The following ZNF250 variants were observed in gnomAD, a reference collection of about 807,000 sequenced individuals.
ZNF250 encodes zinc finger protein (clone 647).
In ZNF250, 13 loss-of-function variants were observed where a neutral mutation model predicts 37.1. The ratio of observed to expected loss-of-function variants is 0.35; its 90% CI spans 0.23 to 0.56. The LOEUF is 0.56. Ranked by LOEUF, ZNF250 falls within the 20% of genes least tolerant of loss-of-function variation. The pLI, the probability that ZNF250 is intolerant of heterozygous loss-of-function variation, is 0.87. For synonymous variants in ZNF250, 251 were observed against 265.6 expected, an observed-to-expected ratio of 0.94 and a Z score of 0.54; for missense variants, 474 against 697.9, an observed-to-expected ratio of 0.68 and a Z score of 3.61.
In ZNF250 at chr8:144,890,242, A is replaced by G. The variant is rs770879224; in HGVS notation, c.42+66T>C. ...CGCTCTGGCTGCTCTTAGGAGCTCT[A>G]CGGGGCACGGAAGGAACCACAGGGC... On this transcript the variant is annotated intron_variant, in intron 2 of 5. Coordinates refer to ENST00000417550, the MANE Select transcript of ZNF250 (RefSeq NM_001109689.4). This position sits in a 1 kb window ranked among gnomAD's most constrained non-coding sequence, Gnocchi z 5.1. The G allele has an allele frequency of 2.1e-5, 32 of 1,522,120 alleles. No individual in the cohort carries two copies. In the Admixed American group the frequency reaches 5.3e-4, roughly 25 times the overall value. 94.3% of individuals were successfully genotyped at this position (1,522,120 alleles called of 1,614,324 possible). A position where few individuals can be genotyped will look rare whatever the true frequency, so the allele number is the denominator to read the frequency against.
chr8:144,900,505 G>A (rs1833028870), intron 1 of ZNF250, among the ~76,000 whole-genome samples: 2 of 152,184 alleles, frequency 1.3e-5, no homozygotes, highest in Non-Finnish European at 2.9e-5. Context: ...TGTCGGGGGG[G>A]ATGACTTTTA....
In ZNF250 at chr8:144,897,935, T is replaced by C. The variant is rs1342425534; in HGVS notation, c.-55+3464A>G. ...CCACCCTGGGCCGGCCAGGTGTTCC[T>C]TGCCCTCATTCCGGTAAACCCACAA... On this transcript the variant is annotated intron_variant, in intron 1 of 5. Transcript: ENST00000417550. This position sits in a 1 kb window ranked among gnomAD's most constrained non-coding sequence, Gnocchi z 5.2. Among the ~76,000 whole-genome samples, 1 of 152,256 alleles carries C rather than the reference T, an allele frequency of 6.6e-6. No homozygotes were observed. The highest frequency in any genetic ancestry group is 1.5e-5 in the Non-Finnish European group (1 of 68,044).
intron 4 of ZNF250, 71 bp from the exon 5 acceptor site, chr8:144,886,973 A>C (rs767364506): frequency 2.9e-5 from 40 of 1,394,668 alleles, no homozygotes; most frequent in Non-Finnish European, 4.1e-5. Flanking sequence ...CTGGCCGGGC[A>C]TGGTGGCTCA....
In ZNF250 at chr8:144,890,117, T is replaced by TG; in HGVS notation, c.43-59dup. On this transcript the variant is annotated intron_variant, in intron 2 of 5. Transcript: ENST00000417550. The surrounding 1 kb of genome is among the most constrained non-coding windows in gnomAD (Gnocchi z 5.1). Reference sequence around the variant, plus strand: ...AAATCCTGATGTCTGTGATGGGGAGTGGGTGCATGTGACATGTGACATGAG... The same window carrying TG: ...AAATCCTGATGTCTGTGATGGGGAGTGGGGTGCATGTGACATGTGACATGAG... 1.3e-6 allele frequency: 2 copies of TG among 1,585,262 alleles called. No homozygotes were observed. Among genetic ancestry groups the TG allele is most frequent in the South Asian group, 2.3e-5 (2 of 87,292 alleles).
chr8:144,885,916 C>A (rs936867980), intron 5 of ZNF250, among the ~76,000 whole-genome samples: 5 of 149,274 alleles, frequency 3.3e-5, no homozygotes, highest in African/African-American at 4.9e-5. Flanking sequence ...GACCAGCTTG[C>A]GCAACATGGT....
At chr8:144,888,727 T>C (rs551513304) in intron 4 of ZNF250, among the ~76,000 whole-genome samples, 3 of 152,250 alleles carry the variant, frequency 2.0e-5, no homozygotes, top group Admixed American at 1.3e-4. Context: ...CTAATTCTTA[T>C]AGCTTTGGTT....
rs1243200420 is a variant in ZNF250 at position 144,890,254 on chromosome 8, A to G, written c.42+54T>C. The G allele has an allele frequency of 9.1e-6, 14 of 1,541,416 alleles. No individual in the cohort carries two copies. Among genetic ancestry groups the G allele is most frequent in the Non-Finnish European group, 1.1e-5 (13 of 1,131,930 alleles). ...TCTTAGGAGCTCTACGGGGCACGGA[A>G]GGAACCACAGGGCTCGGGCTGGGGG... On this transcript the variant is annotated intron_variant, in intron 2 of 5. Coordinates refer to ENST00000417550, the MANE Select transcript of ZNF250 (RefSeq NM_001109689.4). This position sits in a 1 kb window ranked among gnomAD's most constrained non-coding sequence, Gnocchi z 5.1.
At position 144,881,538 on chromosome 8, in the gene ZNF250, G is replaced by T; in HGVS notation, c.1645C>A (p.Gln549Lys). 6.3e-7 allele frequency: 1 copy of T among 1,596,474 alleles called. No homozygotes were observed. The highest frequency in any genetic ancestry group is 8.6e-7 in the Non-Finnish European group (1 of 1,167,458). The change falls in exon 6 of 6, where the codon CAG becomes AAG. Residue 549 changes from glutamine to lysine, a missense_variant. Physicochemically the swap from Gln to Lys is moderately conservative, Grantham distance 53. Coordinates refer to ENST00000417550, the MANE Select transcript of ZNF250 (RefSeq NM_001109689.4). ...FNQHGHLIQHQKVHRKL is the reference protein window; with the variant it reads ...FNQHGHLIQHKKVHRKL ...GGTCACAACTTTCTGTGCACTTTCT[G>T]GTGCTGGATTAGGTGGCCATGCTGG...
Position 144,882,193 on chromosome 8 carries a change from C to T in ZNF250, c.990G>A (p.Gly330=), listed in dbSNP as rs750570357. Residue 330 remains glycine (G), a synonymous_variant, in exon 6 of 6, where the codon GGG becomes GGA. Transcript: ENST00000417550. The surrounding 1 kb of genome is among the most constrained non-coding windows in gnomAD (Gnocchi z 5.5). ...ACTCATTGCACCTGTGAGGCTTCTCCCCAGTGTGTACCCTCTGGTGGCTCC... is the reference window on the plus strand; with the variant it reads ...ACTCATTGCACCTGTGAGGCTTCTCTCCAGTGTGTACCCTCTGGTGGCTCC... ...VLRSHQRVHT[G]EKPHRCNECG... 3.1e-6 allele frequency: 5 copies of T among 1,614,032 alleles called. No individual in the cohort carries two copies. Among genetic ancestry groups the T allele is most frequent in the Non-Finnish European group, 4.2e-6 (5 of 1,179,988 alleles).
At position 144,882,857 on chromosome 8, in the gene ZNF250, T is replaced by C. The variant is rs746794405; in HGVS notation, c.347-21A>G. ...ACATTCTGAAAGAACAAATCCAAAATGAAAATGTTAACACTACTCAAAACT... is the reference window on the plus strand; with the variant it reads ...ACATTCTGAAAGAACAAATCCAAAACGAAAATGTTAACACTACTCAAAACT... On this transcript the variant is annotated intron_variant, in intron 5 of 5. Coordinates refer to ENST00000417550, the MANE Select transcript of ZNF250 (RefSeq NM_001109689.4). This position sits in a 1 kb window ranked among gnomAD's most constrained non-coding sequence, Gnocchi z 5.5. The C allele has an allele frequency of 3.8e-6, 6 of 1,587,552 alleles. No homozygotes were observed. Among genetic ancestry groups the C allele is most frequent in the Non-Finnish European group, 5.1e-6 (6 of 1,167,620 alleles).
Position 144,891,724 on chromosome 8 carries a change from C to T in ZNF250, c.-54-1321G>A, listed in dbSNP as rs537189122. 1.4e-4 allele frequency among the ~76,000 whole-genome samples: 21 copies of T among 152,176 alleles called. No homozygotes were observed. The highest frequency in any genetic ancestry group is 5.8e-4 in the East Asian group (3 of 5,162). Reference sequence around the variant, plus strand: ...AAAATTAGCCGGGTGTGGTGGTGCACGCCTGTAGTCCCAGCTACTCAGGAG... The same window carrying T: ...AAAATTAGCCGGGTGTGGTGGTGCATGCCTGTAGTCCCAGCTACTCAGGAG... On this transcript the variant is annotated intron_variant, in intron 1 of 5. Coordinates refer to ENST00000417550, the MANE Select transcript of ZNF250 (RefSeq NM_001109689.4). The surrounding 1 kb of genome is among the most constrained non-coding windows in gnomAD (Gnocchi z 4.0).
intron 5 of ZNF250, among the ~76,000 whole-genome samples, chr8:144,884,274 C>T (rs746238355): frequency 4.6e-5 from 7 of 152,084 alleles, no homozygotes; most frequent in African/African-American, 1.2e-4. Context: ...TTTTTAGAGA[C>T]GGAGTCTTAC....
intron 4 of ZNF250, among the ~76,000 whole-genome samples, chr8:144,887,313 T>A (rs1286977149): frequency 7.1e-6 from 1 of 140,708 alleles, no homozygotes; most frequent in Non-Finnish European, 1.5e-5. Context: ...TATTACAACA[T>A]GTAATTTACT....
Position 144,889,682 on chromosome 8 carries a change from G to A in ZNF250, c.182C>T (p.Ser61Phe). ...CAGCTGGGAGATTATGTCAGGCTTG[G>A]ATCCTGGAAGTCCTGCTCGTGGGGA... Reference protein sequence around the residue: ...GNVVSLGLPGSKPDIISQLER... With the variant: ...GNVVSLGLPGFKPDIISQLER... The change falls in exon 4 of 6, where the codon TCC becomes TTC. Residue 61 changes from serine to phenylalanine, a missense_variant. Physicochemically the swap from Ser to Phe is radical, Grantham distance 155. Coordinates refer to ENST00000417550, the MANE Select transcript of ZNF250 (RefSeq NM_001109689.4). 6.2e-7 allele frequency: 1 copy of A among 1,613,872 alleles called. No individual in the cohort carries two copies.
At chr8:144,894,794 A>G (rs1034975922) in intron 1 of ZNF250, among the ~76,000 whole-genome samples, 5 of 151,510 alleles carry the variant, frequency 3.3e-5, no homozygotes, top group African/African-American at 4.9e-5. Flanking sequence ...AGTAGCTAGG[A>G]ATACAGGTTG....
In ZNF250 at chr8:144,880,594, T is replaced by G. The variant is rs1055456133; in HGVS notation, c.*921A>C. ...AAAGGGTTTTCTAGGCCAGGCATGG[T>G]GCCTCACGCCTGTAATCCCAACACT... On this transcript the variant is annotated 3_prime_UTR_variant, in exon 6 of 6. Coordinates refer to ENST00000417550, the MANE Select transcript of ZNF250 (RefSeq NM_001109689.4). 2 of 433,488 alleles carry G rather than the reference T, an allele frequency of 4.6e-6. No individual in the cohort carries two copies. The highest frequency in any genetic ancestry group is 4.9e-5 in the Admixed American group (2 of 40,980). 26.9% of individuals were successfully genotyped at this position (433,488 alleles called of 1,614,324 possible). A position where few individuals can be genotyped will look rare whatever the true frequency, so the allele number is the denominator to read the frequency against.
rs561142526 is a variant in ZNF250, at chr8:144,890,067, G to A, written c.43-8C>T. 2.5e-6 allele frequency: 4 copies of A among 1,611,096 alleles called. No individual in the cohort carries two copies. Among genetic ancestry groups the A allele is most frequent in the South Asian group, 2.2e-5 (2 of 90,532 alleles). On this transcript the variant is annotated splice_polypyrimidine_tract_variant and splice_region_variant and intron_variant, in intron 2 of 5. Coordinates refer to ENST00000417550, the MANE Select transcript of ZNF250 (RefSeq NM_001109689.4). This position sits in a 1 kb window ranked among gnomAD's most constrained non-coding sequence, Gnocchi z 5.1. ...CTCGAAGGTCAGCTTGGCCTGGAACGACAGGGGCTGCTGCAGGTAAAACCA... is the reference window on the plus strand; with the variant it reads ...CTCGAAGGTCAGCTTGGCCTGGAACAACAGGGGCTGCTGCAGGTAAAACCA...
At chr8:144,886,609 T>C (rs1831900403) in intron 5 of ZNF250, among the ~76,000 whole-genome samples, 1 of 152,206 alleles carries the variant, frequency 6.6e-6, no homozygotes, top group Non-Finnish European at 1.5e-5. Flanking sequence ...CCGAAATAAA[T>C]GTTTAATTAT....
At chr8:144,889,083 T>G (rs1342967505) in intron 4 of ZNF250, among the ~76,000 whole-genome samples, 1 of 152,244 alleles carries the variant, frequency 6.6e-6, no homozygotes, top group East Asian at 1.9e-4. Flanking sequence ...TGCCTTATTT[T>G]GTACATGGGA....
Sources: gnomAD v4.1 joint callset for allele counts (sites outside exome capture counted in the v4.1 genomes callset) on GRCh38, gnomAD v4.1.1 for gene constraint, Gnocchi (gnomAD v3.1) non-coding constraint, MANE v1.5 for transcripts, NCBI Gene and HGNC (gene_info 2026-07-23, HGNC 2026-07-21) for gene names.